Variants in DAB1 observed in about 807,000 individuals in gnomAD.
The protein encoded by DAB1 is DAB adaptor protein 1.
DAB1 carries 15 observed loss-of-function variants against 64.6 expected under a neutral mutation model. The observed-to-expected ratio is 0.23, with a 90% CI of 0.16 to 0.36. The LOEUF is 0.36. Among genes scored for constraint, DAB1 ranks in the 10% least tolerant of loss-of-function variants. The pLI is 1.00. For synonymous variants in DAB1, 235 were observed against 251.9 expected (o/e 0.93, Z 0.64); for missense variants, 596 against 706.7 (o/e 0.84, Z 1.78).
At chr1:57,613,136 A>C (rs553800435) in intron 7 of DAB1, among the ~76,000 whole-genome samples, 6 of 152,370 alleles carry the variant, frequency 3.9e-5, no homozygotes, top group African/African-American at 1.4e-4. Flanking sequence ...GTAGTCTTTT[A>C]CAAGGAAAAT....
At chr1:57,530,997 G>C (rs887239577) in intron 7 of DAB1, among the ~76,000 whole-genome samples, 3 of 152,166 alleles carry the variant, frequency 2.0e-5, no homozygotes, top group Non-Finnish European at 4.4e-5. Flanking sequence ...AACCCAGTCA[G>C]TGAGGTGATG....
chr1:57,926,807 G>C (rs1644886308), intron 5 of DAB1, among the ~76,000 whole-genome samples: 1 of 152,168 alleles, frequency 6.6e-6, no homozygotes, highest in African/African-American at 2.4e-5. Flanking sequence ...TTGTTCAAAA[G>C]GGTTAGATTC....
At chr1:58,151,361 C>T (rs1280160896) in intron 4 of DAB1, among the ~76,000 whole-genome samples, 1 of 152,148 alleles carries the variant, frequency 6.6e-6, no homozygotes, top group Non-Finnish European at 1.5e-5. Context: ...TCTGTTGTTT[C>T]CTGACTTTTT....
intron 1 of DAB1, among the ~76,000 whole-genome samples, chr1:57,854,503 T>C (rs1469957051): frequency 6.6e-6 from 1 of 152,158 alleles, no homozygotes; most frequent in Admixed American, 6.5e-5. Flanking sequence ...ATAACAACCC[T>C]GAGGAAGATC....
intron 7 of DAB1, among the ~76,000 whole-genome samples, chr1:57,493,902 A>T (rs1212845613): frequency 6.6e-6 from 1 of 152,176 alleles, no homozygotes; most frequent in East Asian, 1.9e-4. Flanking sequence ...TCCATTGGCA[A>T]CAACCCGATC....
intron 1 of DAB1, among the ~76,000 whole-genome samples, chr1:58,528,131 C>A (rs1646380250): frequency 6.6e-6 from 1 of 152,214 alleles, no homozygotes; most frequent in Non-Finnish European, 1.5e-5. Context: ...TGACTTCCTT[C>A]CTTTTCAATC....
At chr1:57,954,160 G>C (rs1280702956) in intron 5 of DAB1, among the ~76,000 whole-genome samples, 1 of 152,088 alleles carries the variant, frequency 6.6e-6, no homozygotes, top group African/African-American at 2.4e-5. Flanking sequence ...CATAAAAACA[G>C]GTTATAGGAT....
In DAB1 at chr1:57,055,882, T is replaced by G. The variant is rs148555865; in HGVS notation, c.723+7002A>C. Among the ~76,000 whole-genome samples, 18 of 152,318 alleles carry G rather than the reference T, an allele frequency of 1.2e-4. No homozygotes were observed. The East Asian group carries it at 3.3e-3, about 28-fold the overall frequency. On this transcript the variant is annotated intron_variant, in intron 9 of 14. Coordinates refer to ENST00000371236, the MANE Select transcript of DAB1 (RefSeq NM_001365792.1). ...AAACAGTCTAGATAGAAGTGAATCC[T>G]GCCCTCTAGGATCTTACAAAGAAGT...
chr1:57,471,968 T>C (rs545111546), intron 7 of DAB1, among the ~76,000 whole-genome samples: 2 of 152,286 alleles, frequency 1.3e-5, no homozygotes, highest in South Asian at 4.1e-4. Context: ...AGAAATCAAG[T>C]CTTGCAGAAG....
intron 7 of DAB1, among the ~76,000 whole-genome samples, chr1:57,615,045 T>C (rs1278754752): frequency 6.6e-6 from 1 of 151,942 alleles, no homozygotes; most frequent in Admixed American, 6.6e-5. Flanking sequence ...AATTTTTTTG[T>C]ATTTTTAGTA....
At chr1:57,835,422 C>T (rs1050048927) in intron 1 of DAB1, among the ~76,000 whole-genome samples, 1 of 152,142 alleles carries the variant, frequency 6.6e-6, no homozygotes, top group African/African-American at 2.4e-5. Context: ...TGTCATATAA[C>T]AAAGGAGACT....
intron 3 of DAB1, among the ~76,000 whole-genome samples, chr1:58,451,017 C>T (rs1260971747): frequency 2.0e-5 from 3 of 152,174 alleles, no homozygotes; most frequent in Non-Finnish European, 4.4e-5. Flanking sequence ...ACAAGGAAAG[C>T]CTGAGAAAGT....
intron 5 of DAB1, among the ~76,000 whole-genome samples, chr1:58,114,509 C>A (rs973972910): frequency 2.0e-5 from 3 of 152,202 alleles, no homozygotes; most frequent in African/African-American, 7.2e-5. Context: ...GATGGATGTA[C>A]AACAGGGGTC....
chr1:57,421,907 G>GC (rs1684926612), intron 1 of DAB1, among the ~76,000 whole-genome samples: 1 of 119,390 alleles, frequency 8.4e-6, no homozygotes, highest in Middle Eastern at 4.2e-3. Context: ...GGTGGCGGGG[G>GC]GGGGGGTGGC....
intron 7 of DAB1, among the ~76,000 whole-genome samples, chr1:57,592,174 T>C (rs1351725073): frequency 6.6e-6 from 1 of 152,044 alleles, no homozygotes; most frequent in East Asian, 1.9e-4. Context: ...CATCTGGAAA[T>C]GGAAAAGAAG....
intron 3 of DAB1, among the ~76,000 whole-genome samples, chr1:58,383,816 AT>A (rs1421390241): frequency 6.6e-6 from 1 of 152,148 alleles, no homozygotes; most frequent in Non-Finnish European, 1.5e-5. Flanking sequence ...TATCTTGGCT[AT>A]TGTGGATAAT....
intron 4 of DAB1, among the ~76,000 whole-genome samples, chr1:57,104,579 G>A (rs575007324): frequency 2.6e-5 from 4 of 152,308 alleles, no homozygotes; most frequent in African/African-American, 7.2e-5. Context: ...CAGGGAGACT[G>A]TGTATTTCAG....
intron 3 of DAB1, among the ~76,000 whole-genome samples, chr1:58,413,085 A>G (rs1644686357): frequency 6.6e-6 from 1 of 152,244 alleles, no homozygotes; most frequent in Non-Finnish European, 1.5e-5. Flanking sequence ...CATTTATAAA[A>G]TGAGGACAGG....
intron 2 of DAB1, among the ~76,000 whole-genome samples, chr1:57,172,864 C>T (rs1370124513): frequency 1.3e-5 from 2 of 152,152 alleles, no homozygotes; most frequent in African/African-American, 4.8e-5. Flanking sequence ...AGGGGTCAAA[C>T]ATCCAAGTTA....
Sources: gnomAD v4.1 joint callset for allele counts (sites outside exome capture counted in the v4.1 genomes callset) on GRCh38, gnomAD v4.1.1 for gene constraint, MANE v1.5 for transcripts, NCBI Gene and HGNC (gene_info 2026-07-23, HGNC 2026-07-21) for gene names.